STK3: variants seen among roughly 807,000 people sequenced by gnomAD.
STK3 encodes serine/threonine kinase 3.
Under a neutral mutation model 58.0 loss-of-function variants are expected in STK3, and 41 were observed. That is an observed-to-expected ratio of 0.71 (90% CI 0.55 to 0.92). STK3 has a LOEUF of 0.92. Ranked by LOEUF, STK3 falls within the 40% of genes least tolerant of loss-of-function variation. The pLI is 0.00. For missense variants in STK3, 479 were observed against 602.7 expected (o/e 0.79, Z 2.15); for synonymous variants, 170 against 191.0 (o/e 0.89, Z 0.91).
At chr8:98,509,808 C>A (rs911257045) in intron 10 of STK3, among the ~76,000 whole-genome samples, 2 of 151,902 alleles carry the variant, frequency 1.3e-5, no homozygotes, top group African/African-American at 4.8e-5. Flanking sequence ...ATTAAAAATT[C>A]TATTTTTCTA....
intron 3 of STK3, among the ~76,000 whole-genome samples, chr8:98,874,594 T>G (rs564083948): frequency 4.9e-4 from 75 of 151,918 alleles, no homozygotes; most frequent in African/African-American, 1.5e-3. Context: ...TATATAAACA[T>G]ATATATATAT....
chr8:98,904,723 C>T, intron 1 of STK3: 1 of 830,638 alleles, frequency 1.2e-6, no homozygotes, highest in Non-Finnish European at 2.0e-6. Flanking sequence ...AACCGTAGCC[C>T]TCTCCAACTG....
At chr8:98,445,954 G>GAAAACA (rs1554590985) in intron 1 of STK3, among the ~76,000 whole-genome samples, 1 of 152,160 alleles carries the variant, frequency 6.6e-6, no homozygotes, top group African/African-American at 2.4e-5. Context: ...AGTGATTTGG[G>GAAAACA]AAAACAAAAA....
chr8:98,409,384 G>A (rs960752308), intron 3 of STK3, among the ~76,000 whole-genome samples: 4 of 152,178 alleles, frequency 2.6e-5, no homozygotes, highest in South Asian at 2.1e-4. Context: ...CTGTCTGCAC[G>A]AGGAGCCCGT....
chr8:98,511,516 T>C (rs1824513761), intron 10 of STK3, among the ~76,000 whole-genome samples: 2 of 152,138 alleles, frequency 1.3e-5, no homozygotes, highest in African/African-American at 2.4e-5. Context: ...AAGCTAAATA[T>C]ATTAAGTACA....
intron 1 of STK3, among the ~76,000 whole-genome samples, chr8:98,805,702 T>C (rs568467346): frequency 6.6e-6 from 1 of 152,288 alleles, no homozygotes; most frequent in South Asian, 2.1e-4. Flanking sequence ...AAATTTTGTG[T>C]TGGAAAATGA....
intron 9 of STK3, among the ~76,000 whole-genome samples, chr8:98,547,293 C>T (rs1023331107): frequency 2.0e-5 from 3 of 152,110 alleles, no homozygotes; most frequent in African/African-American, 7.2e-5. Flanking sequence ...CAATGACCTA[C>T]GATGTTAACT....
At chr8:98,886,752 A>G (rs1587802787) in intron 1 of STK3, among the ~76,000 whole-genome samples, 1 of 152,308 alleles carries the variant, frequency 6.6e-6, no homozygotes, top group East Asian at 1.9e-4. Flanking sequence ...GTCCTTATAC[A>G]TAATGGTGGA....
At chr8:98,591,074 C>T (rs1435884994) in intron 7 of STK3, among the ~76,000 whole-genome samples, 1 of 152,080 alleles carries the variant, frequency 6.6e-6, no homozygotes, top group East Asian at 1.9e-4. Flanking sequence ...GATTTTTCAA[C>T]TTTACAATGC....
rs532637451 is a variant in STK3, at chr8:98,677,253, C to A, written c.684+29214G>T. Among the ~76,000 whole-genome samples, 18 of 152,224 alleles carry A rather than the reference C, an allele frequency of 1.2e-4. No individual in the cohort carries two copies. The South Asian group carries it at 3.7e-3, about 32-fold the overall frequency. On this transcript the variant is annotated intron_variant, in intron 6 of 10. Transcript: ENST00000419617. Reference sequence around the variant, plus strand: ...TAATCCTCTCCTCTGGGTCCTACATCTCATTCTAAAATCAGACTAAGTCTC... The same window carrying A: ...TAATCCTCTCCTCTGGGTCCTACATATCATTCTAAAATCAGACTAAGTCTC...
At chr8:98,886,673 A>G (rs1469143022) in intron 1 of STK3, among the ~76,000 whole-genome samples, 2 of 152,212 alleles carry the variant, frequency 1.3e-5, no homozygotes, top group African/African-American at 4.8e-5. Flanking sequence ...AGAAAAAGAG[A>G]GAAACAGTCA....
At chr8:98,503,493 T>C (rs1823791921) in intron 10 of STK3, among the ~76,000 whole-genome samples, 1 of 152,208 alleles carries the variant, frequency 6.6e-6, no homozygotes, top group Non-Finnish European at 1.5e-5. Context: ...ATTGTGATGT[T>C]AGGGTGTTGA....
intron 9 of STK3, among the ~76,000 whole-genome samples, chr8:98,539,391 C>A (rs1440463217): frequency 6.6e-6 from 1 of 152,040 alleles, no homozygotes; most frequent in Non-Finnish European, 1.5e-5. Flanking sequence ...CCTCATACTT[C>A]ACGATTTTGT....
chr8:98,448,685 CA>C (rs1563612548), intron 1 of STK3, among the ~76,000 whole-genome samples: 1 of 152,104 alleles, frequency 6.6e-6, no homozygotes, highest in Admixed American at 6.6e-5. Flanking sequence ...CATAGGCAGG[CA>C]CTGGATTTTC....
At chr8:98,446,494 T>TCTC (rs546689192) in intron 1 of STK3, among the ~76,000 whole-genome samples, 88 of 152,242 alleles carry the variant, frequency 5.8e-4, no homozygotes, top group African/African-American at 1.9e-3. Flanking sequence ...TCTGAGGTTG[T>TCTC]CTCTGCTTGA....
intron 4 of STK3, among the ~76,000 whole-genome samples, chr8:98,745,133 T>C (rs1829555356): frequency 6.6e-6 from 1 of 152,184 alleles, no homozygotes; most frequent in South Asian, 2.1e-4. Flanking sequence ...CCAGTGGTCA[T>C]GAGTAGCAAC....
At chr8:98,554,124 C>T (rs1811417088) in intron 8 of STK3, among the ~76,000 whole-genome samples, 1 of 152,094 alleles carries the variant, frequency 6.6e-6, no homozygotes, top group Admixed American at 6.6e-5. Flanking sequence ...GACCTACCTT[C>T]TAATTATGTA....
At chr8:98,835,939 G>A (rs555109387) in intron 3 of STK3, among the ~76,000 whole-genome samples, 3 of 152,270 alleles carry the variant, frequency 2.0e-5, no homozygotes, top group East Asian at 1.9e-4. Context: ...GGTGGTTCAC[G>A]CCTGTAACCC....
chr8:98,613,580 C>T (rs140193969), intron 6 of STK3, among the ~76,000 whole-genome samples: 106 of 151,284 alleles, frequency 7.0e-4, no homozygotes, highest in African/African-American at 2.4e-3. Flanking sequence ...ATAGAAATAT[C>T]CTCATAAACA....
Sources: gnomAD v4.1 joint callset for allele counts (sites outside exome capture counted in the v4.1 genomes callset) on GRCh38, gnomAD v4.1.1 for gene constraint, MANE v1.5 for transcripts, NCBI Gene and HGNC (gene_info 2026-07-23, HGNC 2026-07-21) for gene names.